The following DPEP1 variants were observed in gnomAD, a reference collection of about 807,000 sequenced individuals.
DPEP1 encodes the protein dipeptidase 1, also known as beta-lactamase.
A neutral mutation model predicts 42.3 loss-of-function variants in DPEP1; 50 were observed. The observed-to-expected ratio is 1.18, with a 90% CI of 0.94 to 1.50. DPEP1 has a LOEUF of 1.50. Ranked by LOEUF, DPEP1 falls within the 40% of genes most tolerant of loss-of-function variation. DPEP1 has a pLI of 0.00. For synonymous variants in DPEP1, 297 were observed against 234.0 expected, an observed-to-expected ratio of 1.27 and a Z score of -2.46; for missense variants, 663 against 553.0, an observed-to-expected ratio of 1.20 and a Z score of -1.99.
intron 2 of DPEP1, among the ~76,000 whole-genome samples, chr16:89,633,523 C>T (rs752191222): frequency 2.6e-5 from 4 of 152,224 alleles, no homozygotes; most frequent in Admixed American, 1.3e-4. Context: ...TCATTGCGGG[C>T]ACATAGATTT....
At chr16:89,627,129 C>T (rs147239124) in intron 1 of DPEP1, among the ~76,000 whole-genome samples, 29 of 151,884 alleles carry the variant, frequency 1.9e-4, no homozygotes, top group Admixed American at 9.2e-4. Flanking sequence ...AAAAATTAGC[C>T]GGGCGTGGTG....
Position 89,637,455 on chromosome 16 carries a change from C to G in DPEP1, c.769-13C>G. The G allele has an allele frequency of 6.2e-7, 1 of 1,612,846 alleles. No individual in the cohort carries two copies. Among genetic ancestry groups the G allele is most frequent in the Non-Finnish European group, 8.5e-7 (1 of 1,179,972 alleles). On this transcript the variant is annotated splice_polypyrimidine_tract_variant and intron_variant, in intron 7 of 10. Coordinates refer to ENST00000690203, the MANE Select transcript of DPEP1 (RefSeq NM_001389466.1). ...CCAGCTCTCAGCTTCACCCTGTCTTCCTTCTTGTGCAGAAACAGACAGACA... is the reference window on the plus strand; with the variant it reads ...CCAGCTCTCAGCTTCACCCTGTCTTGCTTCTTGTGCAGAAACAGACAGACA...
chr16:89,629,899 G>A (rs553485958), intron 1 of DPEP1, among the ~76,000 whole-genome samples: 1 of 152,350 alleles, frequency 6.6e-6, no homozygotes, highest in African/African-American at 2.4e-5. Flanking sequence ...CCCATGGCAA[G>A]TCACGTAAGA....
chr16:89,616,169 TG>T (rs896945007), intron 1 of DPEP1, among the ~76,000 whole-genome samples: 6 of 42,420 alleles, frequency 1.4e-4, no homozygotes, highest in South Asian at 6.8e-4. Context: ...GGGGCTGGGC[TG>T]GGGGTTCAGG....
chr16:89,627,751 C>A (rs1297923413), intron 1 of DPEP1, among the ~76,000 whole-genome samples: 2 of 148,302 alleles, frequency 1.3e-5, no homozygotes, highest in Non-Finnish European at 3.0e-5. Flanking sequence ...ACCTCCGCCT[C>A]CCTGGTTCAA....
chr16:89,616,755 GAGCGACCAGGA>G (rs1475035837), intron 1 of DPEP1: 5 of 276,124 alleles, frequency 1.8e-5, no homozygotes, highest in African/African-American at 4.6e-5. Flanking sequence ...AGCAGGCAGA[GAGCGACCAGGA>G]AGCGGCCAGG....
intron 1 of DPEP1, among the ~76,000 whole-genome samples, chr16:89,624,695 C>G (rs796421128): frequency 6.6e-6 from 1 of 151,930 alleles, no homozygotes; most frequent in South Asian, 2.1e-4. Context: ...CAACCACGCC[C>G]GGCTAATTTT....
In DPEP1 at chr16:89,637,375, C is replaced by T; in HGVS notation, c.763C>T (p.Leu255=). Residue 255 remains leucine (L), a synonymous_variant, in exon 7 of 11, where the codon CTG becomes TTG. Transcript: ENST00000690203. ...CAACGTGCCTGACGACGTCCTGAGG[C>T]TGGTGGTGAGGGCCGAGGGGGCGAC... ...RRNVPDDVLR[L]VKQTDSLVMV... The T allele has an allele frequency of 1.2e-6, 2 of 1,612,342 alleles. No homozygotes were observed. Among genetic ancestry groups the T allele is most frequent in the Non-Finnish European group, 1.7e-6 (2 of 1,179,908 alleles).
chr16:89,638,470 G>T, downstream of DPEP1: 1 of 1,306,708 alleles, frequency 7.7e-7, no homozygotes, highest in South Asian at 2.3e-5. Flanking sequence ...GGCTCAGGAG[G>T]TGGGGTGTTT....
chr16:89,635,226 C>T (rs1211910682), intron 2 of DPEP1, among the ~76,000 whole-genome samples: 1 of 150,000 alleles, frequency 6.7e-6, no homozygotes, highest in African/African-American at 2.5e-5. Flanking sequence ...TTTCCCCTTC[C>T]TTCTCATTTT....
chr16:89,640,589 C>A (rs1258165877), downstream of DPEP1: 1 of 982,058 alleles, frequency 1.0e-6, no homozygotes, highest in Non-Finnish European at 1.2e-6. Flanking sequence ...CTGTTCCCCT[C>A]CCAGCCTGGC....
At chr16:89,628,247 C>CTTTTTTTTTTTTTT (rs1334855414) in intron 1 of DPEP1, among the ~76,000 whole-genome samples, 1 of 84,578 alleles carries the variant, frequency 1.2e-5, no homozygotes, top group African/African-American at 5.6e-5. Context: ...TTCTTTCTTT[C>CTTTTTTTTTTTTTT]TTTTCTTTCT....
At chr16:89,639,530 C>G, downstream of DPEP1, among the ~76,000 whole-genome samples, 1 of 135,020 alleles carries the variant, frequency 7.4e-6, no homozygotes, top group East Asian at 2.2e-4. Flanking sequence ...CACACACACC[C>G]CCACCTCTGC....
In DPEP1 at chr16:89,637,880, T is replaced by G; in HGVS notation, c.974T>G (p.Ile325Ser). The change falls in exon 10 of 11, where the codon ATC becomes AGC. Residue 325 changes from isoleucine to serine, a missense_variant. Physicochemically the swap from Ile to Ser is moderately radical, Grantham distance 142. Transcript: ENST00000690203. ...LEDVSKYPDL[I>S]AELLRRNWTE... ...GACGTCTCCAAGTATCCAGACCTGA[T>G]CGCTGAGCTGCTCAGGAGGAACTGG... 1 of 1,612,696 alleles carries G rather than the reference T, an allele frequency of 6.2e-7. No homozygotes were observed. Among genetic ancestry groups the G allele is most frequent in the South Asian group, 1.1e-5 (1 of 91,072 alleles).
chr16:89,630,977 G>C lies in DPEP1; in HGVS notation c.104+463G>C, dbSNP rs370330233. On this transcript the variant is annotated intron_variant, in intron 2 of 10. Transcript: ENST00000690203. ...GCGGATGAAGGTCTGCAGGGACTGG[G>C]CAGGAAGGAGGCAAGGCCACACTCC... Among the ~76,000 whole-genome samples the C allele has an allele frequency of 1.1e-4, 16 of 152,132 alleles. 1 individual carries two copies. In the South Asian group the frequency reaches 3.1e-3, roughly 30 times the overall value.
chr16:89,630,278 C>G, intron 1 of DPEP1, 27 bp from the exon 2 acceptor site: 1 of 630,090 alleles, frequency 1.6e-6, no homozygotes, highest in Admixed American at 3.0e-5. Flanking sequence ...TCACTTCCAC[C>G]CACACCTCTG....
chr16:89,627,277 A>C (rs1389224630), intron 1 of DPEP1, among the ~76,000 whole-genome samples: 4 of 148,944 alleles, frequency 2.7e-5, no homozygotes, highest in South Asian at 4.3e-4. Context: ...CGTCTCAAAA[A>C]AAAAAAAAAA....
At chr16:89,641,499 GATT>G (rs1252493510), downstream of DPEP1, among the ~76,000 whole-genome samples, 3 of 152,210 alleles carry the variant, frequency 2.0e-5, no homozygotes, top group African/African-American at 7.2e-5. Context: ...GTAGAGCAAG[GATT>G]ATTATAATAT....
chr16:89,634,881 T>TC (rs796652496), intron 2 of DPEP1, among the ~76,000 whole-genome samples: 1 of 73,730 alleles, frequency 1.4e-5, no homozygotes, highest in African/African-American at 5.6e-5. Context: ...TCCTTCCCTT[T>TC]CCCTTCCTTC....
Sources: allele counts gnomAD v4.1 joint callset (sites outside exome capture counted in the v4.1 genomes callset), GRCh38; gene constraint gnomAD v4.1.1; transcripts MANE v1.5; gene names NCBI Gene and HGNC (gene_info 2026-07-23, HGNC 2026-07-21).